Variants in SH3PXD2A observed in about 807,000 individuals in gnomAD.
The protein encoded by SH3PXD2A is SH3 and PX domains 2A, also known as SH3 and PX domain-containing protein 2A.
In SH3PXD2A, 32 loss-of-function variants were observed where a neutral mutation model predicts 115.2. The ratio of observed to expected loss-of-function variants is 0.28; its 90% CI spans 0.21 to 0.37. SH3PXD2A has a LOEUF of 0.37. Among genes scored for constraint, SH3PXD2A ranks in the 10% least tolerant of loss-of-function variants. The probability of loss-of-function intolerance (pLI) is 1.00; values close to 1 mark genes in which losing one functional copy is unlikely to be tolerated. For synonymous variants in SH3PXD2A, 610 were observed against 629.1 expected (o/e 0.97, Z 0.45); for missense variants, 1,328 against 1,498.7 (o/e 0.89, Z 1.88).
At position 103,602,652 on chromosome 10, in the gene SH3PXD2A, C is replaced by T; in HGVS notation, c.2566G>A (p.Asp856Asn). 1 of 1,614,194 alleles carries T rather than the reference C, an allele frequency of 6.2e-7. No individual in the cohort carries two copies. Among genetic ancestry groups the T allele is most frequent in the South Asian group, 1.1e-5 (1 of 91,072 alleles). Residue 856 changes from aspartate (D) to asparagine (N), a missense_variant, in exon 15 of 15, where the codon GAC becomes AAC. Asp to Asn is a conservative substitution (Grantham distance 23). Around this residue, in one of 5 missense-constraint regions of SH3PXD2A, gnomAD observed 574 missense variants for 565.7 expected, o/e 1.01. Coordinates refer to ENST00000369774, the MANE Select transcript of SH3PXD2A (RefSeq NM_001394015.1). ...CCCGCGGGGAAGCTGATCTCCGAGT[C>T]CTGGACCTTCTGGTAGGCGCTGCAT... ...MTCSAYQKVQ[D>N]SEISFPAGVE...
chr10:103,614,032 G>A (rs1275457162), intron 11 of SH3PXD2A, among the ~76,000 whole-genome samples: 1 of 152,140 alleles, frequency 6.6e-6, no homozygotes, highest in African/African-American at 2.4e-5. Flanking sequence ...TGAGGCAGGA[G>A]GATCGTTTAA....
At chr10:103,692,034 A>G (rs1367244292) in intron 6 of SH3PXD2A, among the ~76,000 whole-genome samples, 7 of 152,136 alleles carry the variant, frequency 4.6e-5, no homozygotes, top group African/African-American at 1.7e-4. Flanking sequence ...GGAGCCATTC[A>G]CAGGAGCCAC....
rs1444765645 is a variant in SH3PXD2A at position 103,600,097 on chromosome 10, C to T, written c.*1719G>A. 6.6e-6 allele frequency: 1 copy of T among 152,600 alleles called. No individual in the cohort carries two copies. The highest frequency in any genetic ancestry group is 1.5e-5 in the Non-Finnish European group (1 of 68,066). 9.5% of individuals were successfully genotyped at this position (152,600 alleles called of 1,614,324 possible). A position where few individuals can be genotyped will look rare whatever the true frequency, so the allele number is the denominator to read the frequency against. On this transcript the variant is annotated 3_prime_UTR_variant, in exon 15 of 15. Transcript: ENST00000369774. ...AGCAGGGTGAGGGAGGGCCTTTCCT[C>T]CTCTATAGAAAACACCAACCCCCAG...
intron 1 of SH3PXD2A, among the ~76,000 whole-genome samples, chr10:103,853,946 G>C (rs1385018017): frequency 6.6e-6 from 1 of 152,300 alleles, no homozygotes; most frequent in African/African-American, 2.4e-5. Flanking sequence ...TGACACAAAA[G>C]AAACAACTCT....
Position 103,848,021 on chromosome 10 carries a change from C to G in SH3PXD2A, c.72+7174G>C, listed in dbSNP as rs116711214. ...ATTAGTGTAGATGGTTCAGAAGACACAGACATGCTGGGCTCCCCTCAGACT... is the reference window on the plus strand; with the variant it reads ...ATTAGTGTAGATGGTTCAGAAGACAGAGACATGCTGGGCTCCCCTCAGACT... On this transcript the variant is annotated intron_variant, in intron 1 of 14. Transcript: ENST00000369774. 4.2e-3 allele frequency among the ~76,000 whole-genome samples: 631 copies of G among 151,664 alleles called. 7 individuals carry two copies. The highest frequency in any genetic ancestry group is 0.017 in the Middle Eastern group (5 of 294).
At chr10:103,700,895 A>G (rs552378974) in intron 5 of SH3PXD2A, among the ~76,000 whole-genome samples, 1 of 152,306 alleles carries the variant, frequency 6.6e-6, no homozygotes, top group South Asian at 2.1e-4. Context: ...GAGAAGGTCA[A>G]GGAGGATATC....
chr10:103,709,885 C>T (rs570046842), intron 5 of SH3PXD2A, among the ~76,000 whole-genome samples: 1 of 152,280 alleles, frequency 6.6e-6, no homozygotes, highest in East Asian at 1.9e-4. Context: ...GTGGGTGGAT[C>T]ACCTGAGGTC....
intron 8 of SH3PXD2A, among the ~76,000 whole-genome samples, chr10:103,637,136 C>T (rs1439547842): frequency 6.6e-6 from 1 of 152,222 alleles, no homozygotes; most frequent in African/African-American, 2.4e-5. Context: ...ATCCGGGACT[C>T]ATGCTCTACT....
At chr10:103,737,974 A>T (rs978905077) in intron 3 of SH3PXD2A, among the ~76,000 whole-genome samples, 2 of 151,928 alleles carry the variant, frequency 1.3e-5, no homozygotes, top group African/African-American at 4.8e-5. Context: ...TCTGCAGCTC[A>T]CCCCTCCTGT....
intron 2 of SH3PXD2A, among the ~76,000 whole-genome samples, chr10:103,782,933 TG>T (rs1225701178): frequency 6.7e-6 from 1 of 149,960 alleles, no homozygotes; most frequent in African/African-American, 2.5e-5. Context: ...ATGCATGCCT[TG>T]GGGGGGGGGG....
chr10:103,852,919 G>C (rs930801030), intron 1 of SH3PXD2A, among the ~76,000 whole-genome samples: 2 of 152,220 alleles, frequency 1.3e-5, no homozygotes, highest in Admixed American at 6.5e-5. Flanking sequence ...TGTGTTGCAA[G>C]TTACTTTACC....
intron 5 of SH3PXD2A, among the ~76,000 whole-genome samples, chr10:103,709,372 G>T (rs1201794966): frequency 6.6e-6 from 1 of 152,170 alleles, no homozygotes; most frequent in East Asian, 1.9e-4. Context: ...ACCTGCAAAG[G>T]CTGGGCTGGA....
chr10:103,769,171 TGTGTGTGTGTGC>T (rs1277920763), intron 2 of SH3PXD2A, among the ~76,000 whole-genome samples: 65 of 105,274 alleles, frequency 6.2e-4, no homozygotes, highest in African/African-American at 2.6e-3. Context: ...TGTGTGTGTG[TGTGTGTGTGTGC>T]GCGCGCGCGC....
intron 2 of SH3PXD2A, among the ~76,000 whole-genome samples, chr10:103,785,159 A>G (rs1160063201): frequency 6.6e-6 from 1 of 152,152 alleles, no homozygotes; most frequent in South Asian, 2.1e-4. Flanking sequence ...CCTGACACCT[A>G]CCTGACCTGG....
Position 103,776,761 on chromosome 10 carries a change from C to T in SH3PXD2A, c.154-9592G>A, listed in dbSNP as rs893724976. ...GCGTGTGTGTCTGTCTAAATTTCCC[C>T]CTTTCACAGGGACACCAGTCATGTT... On this transcript the variant is annotated intron_variant, in intron 2 of 14. Coordinates refer to ENST00000369774, the MANE Select transcript of SH3PXD2A (RefSeq NM_001394015.1). Among the ~76,000 whole-genome samples the T allele has an allele frequency of 9.2e-5, 14 of 152,296 alleles. No individual in the cohort carries two copies. The South Asian group carries it at 1.9e-3, about 20-fold the overall frequency.
intron 5 of SH3PXD2A, among the ~76,000 whole-genome samples, chr10:103,720,213 T>G (rs1336715087): frequency 6.6e-6 from 1 of 152,236 alleles, no homozygotes; most frequent in Non-Finnish European, 1.5e-5. Flanking sequence ...GCAAGGGCCT[T>G]GCTGGAGCCT....
chr10:103,662,928 C>G (rs763902815), intron 7 of SH3PXD2A, among the ~76,000 whole-genome samples: 3 of 152,112 alleles, frequency 2.0e-5, no homozygotes, highest in Non-Finnish European at 4.4e-5. Flanking sequence ...CCTCAGCCTC[C>G]CATGTAGCTG....
chr10:103,800,858 G>A (rs1207885092), intron 2 of SH3PXD2A, among the ~76,000 whole-genome samples: 1 of 152,152 alleles, frequency 6.6e-6, no homozygotes, highest in Non-Finnish European at 1.5e-5. Context: ...GCCTGTAGTT[G>A]AAAAAATTGC....
At position 103,828,253 on chromosome 10, in the gene SH3PXD2A, G is replaced by A. The variant is rs529662581; in HGVS notation, c.73-26891C>T. On this transcript the variant is annotated intron_variant, in intron 1 of 14. Coordinates refer to ENST00000369774, the MANE Select transcript of SH3PXD2A (RefSeq NM_001394015.1). ...AGTGCCAGGTCCCAAATCAGCTGAA[G>A]GAACAAGAGTCCATTCTCCACACCT... 1.2e-4 allele frequency among the ~76,000 whole-genome samples: 19 copies of A among 152,330 alleles called. No individual in the cohort carries two copies. In the South Asian group the frequency reaches 3.9e-3, roughly 32 times the overall value.
Sources: allele counts gnomAD v4.1 joint callset (sites outside exome capture counted in the v4.1 genomes callset), GRCh38; gene constraint gnomAD v4.1.1; regional missense constraint gnomAD v4.1.1; transcripts MANE v1.5; gene names NCBI Gene and HGNC (gene_info 2026-07-23, HGNC 2026-07-21).